The following TMEM132D variants were observed in gnomAD, a reference collection of about 807,000 sequenced individuals.
TMEM132D encodes mature OL transmembrane protein.
TMEM132D carries 21 observed loss-of-function variants against 62.3 expected under a neutral mutation model. The ratio of observed to expected loss-of-function variants is 0.34; its 90% CI spans 0.24 to 0.49. The LOEUF is 0.49. Among genes scored for constraint, TMEM132D ranks in the 20% least tolerant of loss-of-function variants. The probability of loss-of-function intolerance (pLI) is 0.99; values close to 1 mark genes in which losing one functional copy is unlikely to be tolerated. For synonymous variants in TMEM132D, 621 were observed against 575.6 expected (o/e 1.08, Z -1.13); for missense variants, 1,346 against 1,402.8 (o/e 0.96, Z 0.65).
At position 129,209,500 on chromosome 12, in the gene TMEM132D, G is replaced by A. The variant is rs770762676; in HGVS notation, c.1443+20C>T. On this transcript the variant is annotated intron_variant, in intron 5 of 8. Transcript: ENST00000422113. Reference sequence around the variant, plus strand: ...GACATGACAGCAGGTTTCTGCAGGGGCGGGGAGGTGTCAACTTGCCTTAAT... The same window carrying A: ...GACATGACAGCAGGTTTCTGCAGGGACGGGGAGGTGTCAACTTGCCTTAAT... 1 of 1,613,568 alleles carries A rather than the reference G, an allele frequency of 6.2e-7. No individual in the cohort carries two copies. The highest frequency in any genetic ancestry group is 8.5e-7 in the Non-Finnish European group (1 of 1,179,602).
At chr12:129,496,547 T>C (rs1380091577) in intron 3 of TMEM132D, among the ~76,000 whole-genome samples, 2 of 152,150 alleles carry the variant, frequency 1.3e-5, no homozygotes, top group Admixed American at 1.3e-4. Flanking sequence ...TAAGGATGGA[T>C]TTTGGAAATG....
rs774221783 is a variant in TMEM132D, at chr12:129,101,984, G to GTT, written c.1444-17284_1444-17283dup. 2.3e-3 allele frequency among the ~76,000 whole-genome samples: 297 copies of GTT among 126,796 alleles called. 4 individuals carry two copies. The highest frequency in any genetic ancestry group is 5.9e-3 in the South Asian group (24 of 4,088). The allele number at this position is 126,796 out of a possible 152,430, so 83.2% of individuals were successfully genotyped here. ...ATCAAATTTGTGATTCAAAGCTGCT[G>GTT]TTTTTTTTTTTTTTTCTCTCTCTCT... On this transcript the variant is annotated intron_variant, in intron 5 of 8. Transcript: ENST00000422113.
chr12:129,436,266 A>T (rs968827772), intron 3 of TMEM132D, among the ~76,000 whole-genome samples: 1 of 152,192 alleles, frequency 6.6e-6, no homozygotes, highest in Non-Finnish European at 1.5e-5. Context: ...CCTACGAGAG[A>T]ATAGTATTCC....
chr12:129,782,576 G>A (rs974229525), intron 1 of TMEM132D, among the ~76,000 whole-genome samples: 1 of 152,234 alleles, frequency 6.6e-6, no homozygotes, highest in Admixed American at 6.5e-5. Flanking sequence ...CTGTGCCCCA[G>A]CCACTGGGAA....
At chr12:129,554,421 G>A (rs149287275) in intron 2 of TMEM132D, among the ~76,000 whole-genome samples, 109 of 152,232 alleles carry the variant, frequency 7.2e-4, no homozygotes, top group African/African-American at 2.6e-3. Context: ...AAAGGTGGTC[G>A]AGAGAGAGAA....
intron 5 of TMEM132D, among the ~76,000 whole-genome samples, chr12:129,090,667 G>GA (rs34050478): frequency 0.34 from 51,439 of 149,882 alleles, 9,019 homozygotes; most frequent in East Asian, 0.46. Context: ...GACCCTGTCT[G>GA]AAAAAAAAAG....
At chr12:129,177,129 G>GA (rs908446024) in intron 5 of TMEM132D, among the ~76,000 whole-genome samples, 3 of 151,914 alleles carry the variant, frequency 2.0e-5, no homozygotes, top group Non-Finnish European at 2.9e-5. Flanking sequence ...CTAGACAAAA[G>GA]AAAAAAATGA....
At chr12:129,594,185 T>C (rs900702) in intron 2 of TMEM132D, among the ~76,000 whole-genome samples, 130,420 of 151,840 alleles carry the variant, frequency 0.86, 56,067 homozygotes, top group Middle Eastern at 0.89. Flanking sequence ...TCCCTGGTTA[T>C]GCAGAAGTGG....
Position 129,366,110 on chromosome 12 carries a change from TTAAAA to T in TMEM132D, c.1116-28298_1116-28294del, listed in dbSNP as rs1017054011. On this transcript the variant is annotated intron_variant, in intron 3 of 8. Coordinates refer to ENST00000422113, the MANE Select transcript of TMEM132D (RefSeq NM_133448.3). ...TAAATAAATAAAATAATTAAAATTC[TTAAAA>T]TAAAAAAAACACTCACCCGGATATT... Among the ~76,000 whole-genome samples, 144 of 152,268 alleles carry T rather than the reference TTAAAA, an allele frequency of 9.5e-4. 3 individuals carry two copies. Among genetic ancestry groups the T allele is most frequent in the Non-Finnish European group, 9.4e-4 (64 of 68,022 alleles).
intron 2 of TMEM132D, among the ~76,000 whole-genome samples, chr12:129,664,873 A>G (rs918170534): frequency 6.6e-6 from 1 of 152,164 alleles, no homozygotes; most frequent in Non-Finnish European, 1.5e-5. Flanking sequence ...CAGCAATGAC[A>G]ACTAACCCTT....
In TMEM132D at chr12:129,296,648, A is replaced by G. The variant is rs911998900; in HGVS notation, c.1299+40986T>C. On this transcript the variant is annotated intron_variant, in intron 4 of 8. Coordinates refer to ENST00000422113, the MANE Select transcript of TMEM132D (RefSeq NM_133448.3). The stretch of plus-strand genomic sequence containing the variant: ...CCAAGGTGTGAGATACGTTAAAGGC[A>G]CTAAAGAGAGATGAAGTGCCAGTTT... 9.2e-5 allele frequency among the ~76,000 whole-genome samples: 14 copies of G among 152,286 alleles called. 1 individual carries two copies. In the East Asian group the frequency reaches 2.7e-3, roughly 29 times the overall value.
In TMEM132D at chr12:129,434,096, A is replaced by G. The variant is rs570426379; in HGVS notation, c.1116-96279T>C. On this transcript the variant is annotated intron_variant, in intron 3 of 8. Transcript: ENST00000422113. ...TTATTTCTAGGATTATGCAAACATGATCAACATTCTAGATCTCGTTTATAA... is the reference window on the plus strand; with the variant it reads ...TTATTTCTAGGATTATGCAAACATGGTCAACATTCTAGATCTCGTTTATAA... 9.8e-5 allele frequency among the ~76,000 whole-genome samples: 15 copies of G among 152,298 alleles called. No individual in the cohort carries two copies. In the South Asian group the frequency reaches 3.1e-3, roughly 32 times the overall value.
Position 129,281,053 on chromosome 12 carries a change from G to T in TMEM132D, c.1299+56581C>A, listed in dbSNP as rs543915216. On this transcript the variant is annotated intron_variant, in intron 4 of 8. Transcript: ENST00000422113. ...GAATATGAAACCCCCAGGAAATAAG[G>T]CCACTTTCTGAGATTCTTCTTACTT... Among the ~76,000 whole-genome samples the T allele has an allele frequency of 3.3e-5, 5 of 152,010 alleles. No individual in the cohort carries two copies. The East Asian group carries it at 9.7e-4, about 29-fold the overall frequency.
At chr12:129,337,591 C>T (rs1173791847) in intron 4 of TMEM132D, 43 bp downstream of exon 4, 1 of 1,608,896 alleles carries the variant, frequency 6.2e-7, no homozygotes, top group Non-Finnish European at 8.5e-7. Context: ...GCCTTCCCCT[C>T]CCCCGAGTTC....
At chr12:129,370,696 A>G (rs1205070387) in intron 3 of TMEM132D, among the ~76,000 whole-genome samples, 3 of 152,270 alleles carry the variant, frequency 2.0e-5, no homozygotes, top group Admixed American at 1.3e-4. Flanking sequence ...AATATTAGCC[A>G]TAAAAAAAGA....
chr12:129,766,172 C>A (rs1870549343), intron 1 of TMEM132D, among the ~76,000 whole-genome samples: 1 of 152,144 alleles, frequency 6.6e-6, no homozygotes, highest in Non-Finnish European at 1.5e-5. Flanking sequence ...CTGCCAGGAC[C>A]AGAAGCTCCC....
intron 1 of TMEM132D, among the ~76,000 whole-genome samples, chr12:129,736,489 A>T (rs1371715932): frequency 5.9e-5 from 9 of 152,220 alleles, no homozygotes; most frequent in African/African-American, 2.2e-4. Context: ...TAACATGAAA[A>T]GGGACCTGGT....
intron 5 of TMEM132D, among the ~76,000 whole-genome samples, chr12:129,160,160 G>T (rs1360431411): frequency 3.3e-5 from 5 of 152,296 alleles, no homozygotes; most frequent in African/African-American, 1.2e-4. Context: ...TCAACTCCTG[G>T]TGTATGTTGG....
intron 2 of TMEM132D, among the ~76,000 whole-genome samples, chr12:129,558,253 GGCTCAGAAAT>G (rs1238407835): frequency 2.0e-5 from 3 of 152,122 alleles, no homozygotes; most frequent in African/African-American, 7.2e-5. Context: ...ATCACATTCT[GGCTCAGAAAT>G]GCTTCTACAT....
Sources: gnomAD v4.1 joint callset for allele counts (sites outside exome capture counted in the v4.1 genomes callset) on GRCh38, gnomAD v4.1.1 for gene constraint, MANE v1.5 for transcripts, NCBI Gene and HGNC (gene_info 2026-07-23, HGNC 2026-07-21) for gene names.